The following GSE1 variants were observed in gnomAD, a reference collection of about 807,000 sequenced individuals.
The protein encoded by GSE1 is Gse1 coiled-coil protein, also known as genetic suppressor element 1.
A neutral mutation model predicts 112.6 loss-of-function variants in GSE1; 32 were observed. That is an observed-to-expected ratio of 0.28 (90% CI 0.21 to 0.38). The LOEUF (loss-of-function observed/expected upper bound fraction) is 0.38, where lower values mean the gene tolerates loss of function less well. Among genes scored for constraint, GSE1 ranks in the 10% least tolerant of loss-of-function variants. The pLI, the probability that GSE1 is intolerant of heterozygous loss-of-function variation, is 1.00. For missense variants in GSE1, 2,348 were observed against 1,699.2 expected (o/e 1.38, Z -6.71); for synonymous variants, 1,115 against 735.6 (o/e 1.52, Z -8.35).
rs564684851 is a variant in GSE1, at chr16:85,670,009, CAA to C, written c.3416-984_3416-983del. ...TTTTAGGATCGCCTTATATTCACCC[CAA>C]AGAGTCCTGTTAGATTTTCAGTTGC... On this transcript the variant is annotated intron_variant, in intron 14 of 15. Transcript: ENST00000253458. Among the ~76,000 whole-genome samples the C allele has an allele frequency of 7.9e-5, 12 of 152,356 alleles. No homozygotes were observed. The South Asian group carries it at 1.9e-3, about 24-fold the overall frequency.
intron 2 of GSE1, among the ~76,000 whole-genome samples, chr16:85,636,754 G>T (rs2050033894): frequency 1.3e-5 from 2 of 152,318 alleles, no homozygotes; most frequent in East Asian, 3.9e-4. Flanking sequence ...GTCCCTGCTG[G>T]AAAGGAAGCC....
At chr16:85,670,799 T>G (rs928935307) in intron 14 of GSE1, 196 bp from the exon 15 acceptor site, 19 of 436,112 alleles carry the variant, frequency 4.4e-5, no homozygotes, top group Non-Finnish European at 8.3e-6. Context: ...TGTATTGGGC[T>G]TAATTTAGTG....
rs535324800 is a variant in GSE1 at position 85,648,196 on chromosome 16, G to A, written c.227-356G>A. 3.3e-5 allele frequency among the ~76,000 whole-genome samples: 5 copies of A among 152,030 alleles called. No homozygotes were observed. The East Asian group carries it at 5.8e-4, about 18-fold the overall frequency. On this transcript the variant is annotated intron_variant, in intron 2 of 15. Coordinates refer to ENST00000253458, the MANE Select transcript of GSE1 (RefSeq NM_014615.5). ...GTCTGTCCCGGAAGGTGCTACCTTC[G>A]TCTCTCACTCAGGGACGTCAGGCAC...
At chr16:85,626,029 T>C (rs2049046226) in intron 1 of GSE1, among the ~76,000 whole-genome samples, 1 of 152,008 alleles carries the variant, frequency 6.6e-6, no homozygotes. Flanking sequence ...GCAAGGGCTG[T>C]CCTTTGCCTT....
rs1202748712 is a variant in GSE1 at position 85,655,855 on chromosome 16, G to A, written c.927G>A (p.Glu309=). Residue 309 remains glutamate (E), a synonymous_variant, in exon 6 of 16, where the codon GAG becomes GAA. Transcript: ENST00000253458. ...TCTCTGGGGTCCGCTACCCTCCCGA[G>A]CTCTCCCACTCATCCCTGGCAGCGC... ...LHLSGVRYPP[E]LSHSSLAALH... is the part of the protein sequence containing the mutation. 1.2e-6 allele frequency: 2 copies of A among 1,609,608 alleles called. No homozygotes were observed. The highest frequency in any genetic ancestry group is 1.1e-5 in the South Asian group (1 of 91,070).
At position 85,675,359 on chromosome 16, in the gene GSE1, C is replaced by CAA. The variant is rs1196642913; in HGVS notation, c.*2821_*2822dup. ...TAAATTATCTGGTTCCTCACTGAAA[C>CAA]AAGTTATTTTTGCTTCATATAGTCA... is the stretch of plus-strand genomic sequence containing the variant. On this transcript the variant is annotated 3_prime_UTR_variant, in exon 16 of 16. Transcript: ENST00000253458. 6.6e-6 allele frequency: 1 copy of CAA among 152,170 alleles called. No homozygotes were observed. The highest frequency in any genetic ancestry group is 1.5e-5 in the Non-Finnish European group (1 of 68,038). The allele number at this position is 152,170 out of a possible 1,614,324, so 9.4% of individuals were successfully genotyped here. A position where few individuals can be genotyped will look rare whatever the true frequency, so the allele number is the denominator to read the frequency against.
At chr16:85,548,934 C>T (rs371905934) in intron 2 of GSE1, among the ~76,000 whole-genome samples, 25 of 152,262 alleles carry the variant, frequency 1.6e-4, no homozygotes, top group African/African-American at 4.6e-4. Flanking sequence ...GGATTACAGG[C>T]GTGCGCCACC....
At chr16:85,348,588 C>A (rs2046791313) in intron 1 of GSE1, among the ~76,000 whole-genome samples, 1 of 152,194 alleles carries the variant, frequency 6.6e-6, no homozygotes, top group South Asian at 2.1e-4. Context: ...ACATCCGGGG[C>A]AAGGTGCTCT....
At chr16:85,580,865 G>A (rs148976652) in intron 1 of GSE1, among the ~76,000 whole-genome samples, 1,739 of 152,314 alleles carry the variant, frequency 0.011, 29 homozygotes, top group African/African-American at 0.04. Context: ...AGCCCTCCAC[G>A]GAAATCAACC....
intron 2 of GSE1, among the ~76,000 whole-genome samples, chr16:85,386,110 G>T (rs2151632949): frequency 6.6e-6 from 1 of 152,300 alleles, no homozygotes; most frequent in African/African-American, 2.4e-5. Flanking sequence ...AGGGGTCACT[G>T]GCTCAGAGAC....
intron 1 of GSE1, among the ~76,000 whole-genome samples, chr16:85,567,708 G>C (rs1051047400): frequency 1.3e-5 from 2 of 152,206 alleles, no homozygotes; most frequent in Admixed American, 1.3e-4. Flanking sequence ...TTCAACTGGA[G>C]GGGAGTTAGG....
intron 1 of GSE1, among the ~76,000 whole-genome samples, chr16:85,253,525 T>C (rs1906742945): frequency 6.6e-6 from 1 of 152,172 alleles, no homozygotes; most frequent in African/African-American, 2.4e-5. Flanking sequence ...TCCTGTAGGC[T>C]GGTTTCTGGG....
intron 2 of GSE1, among the ~76,000 whole-genome samples, chr16:85,426,686 A>C (rs2048999271): frequency 1.3e-5 from 1 of 75,872 alleles, no homozygotes; most frequent in African/African-American, 3.7e-5. Flanking sequence ...AGAAGGGAGG[A>C]TGGGTAGATG....
At chr16:85,314,849 C>CA (rs2045954641) in intron 1 of GSE1, among the ~76,000 whole-genome samples, 1 of 152,198 alleles carries the variant, frequency 6.6e-6, no homozygotes, top group African/African-American at 2.4e-5. Context: ...GGAGAGGAGA[C>CA]AGAACCATCC....
rs866862280 is a variant in GSE1 at position 85,478,921 on chromosome 16, T to C, written c.2464+121278T>C. Among the ~76,000 whole-genome samples the C allele has an allele frequency of 1.7e-3, 94 of 55,480 alleles. 5 individuals carry two copies. The highest frequency in any genetic ancestry group is 8.9e-3 in the African/African-American group (88 of 9,888). 36.4% of individuals were successfully genotyped at this position (55,480 alleles called of 152,430 possible). On this transcript the variant is annotated intron_variant, in intron 2 of 2. Coordinates refer to the GSE1 transcript ENST00000637419. ...TTTCTTTCTTTCTTTCTTTCTTTCT[T>C]TCTTTCTCTTTCTTTCTTTCTTTCT...
Position 85,662,813 on chromosome 16 carries a change from T to G in GSE1, c.2261-168T>G, listed in dbSNP as rs1381425938. 7 of 594,810 alleles carry G rather than the reference T, an allele frequency of 1.2e-5. No homozygotes were observed. The Admixed American group carries it at 2.0e-4, about 17-fold the overall frequency. 36.8% of individuals were successfully genotyped at this position (594,810 alleles called of 1,614,324 possible). A position where few individuals can be genotyped will look rare whatever the true frequency, so the allele number is the denominator to read the frequency against. On this transcript the variant is annotated intron_variant, in intron 9 of 15. Transcript: ENST00000253458. ...CTGCGGTCCTGCAAAGCCCCAGGAC[T>G]GGGTTAATGTTGGTTTCCACCTCGG...
chr16:85,674,501 A>G lies in GSE1; in HGVS notation c.*1962A>G, dbSNP rs2053574612. The G allele has an allele frequency of 6.6e-6, 1 of 152,236 alleles. No homozygotes were observed. The highest frequency in any genetic ancestry group is 2.1e-4 in the South Asian group (1 of 4,820). The allele number at this position is 152,236 out of a possible 1,614,324, so 9.4% of individuals were successfully genotyped here. On this transcript the variant is annotated 3_prime_UTR_variant, in exon 16 of 16. Transcript: ENST00000253458. ...GGAGTCTGCTACAAACTATCAGGGC[A>G]AAATCTCACTGGATTTCTCCACTGA... is the stretch of plus-strand genomic sequence containing the variant.
intron 1 of GSE1, among the ~76,000 whole-genome samples, chr16:85,237,831 C>G (rs556963818): frequency 2.1e-4 from 31 of 147,034 alleles, no homozygotes; most frequent in Admixed American, 5.5e-4. Context: ...GAGCAAGACT[C>G]TGTCCCCCGC....
At chr16:85,500,520 A>G (rs976928514) in intron 2 of GSE1, among the ~76,000 whole-genome samples, 2 of 152,178 alleles carry the variant, frequency 1.3e-5, no homozygotes, top group African/African-American at 2.4e-5. Context: ...CCCGATCTCC[A>G]TGGGAACTGC....
Sources: gnomAD v4.1 joint callset for allele counts (sites outside exome capture counted in the v4.1 genomes callset) on GRCh38, gnomAD v4.1.1 for gene constraint, MANE v1.5 for transcripts, NCBI Gene and HGNC (gene_info 2026-07-23, HGNC 2026-07-21) for gene names.